The following GPC5 variants were observed in gnomAD, a reference collection of about 807,000 sequenced individuals.
GPC5 encodes glypican 5, also known as glypican-5.
A neutral mutation model predicts 53.9 loss-of-function variants in GPC5; 47 were observed. That is an observed-to-expected ratio of 0.87 (90% CI 0.69 to 1.11). GPC5 has a LOEUF of 1.11. Among genes scored for constraint, GPC5 ranks in the 50% most tolerant of loss-of-function variants. GPC5 has a pLI of 0.00. For missense variants in GPC5, 748 were observed against 713.1 expected (o/e 1.05, Z -0.56); for synonymous variants, 286 against 263.3 (o/e 1.09, Z -0.84).
intron 2 of GPC5, among the ~76,000 whole-genome samples, chr13:91,524,383 A>G (rs1431690180): frequency 6.6e-6 from 1 of 152,112 alleles, no homozygotes; most frequent in Non-Finnish European, 1.5e-5. Flanking sequence ...TGCAGTTACA[A>G]CATTAAGATA....
intron 7 of GPC5, among the ~76,000 whole-genome samples, chr13:92,438,445 A>C (rs1203929117): frequency 6.6e-6 from 1 of 151,184 alleles, no homozygotes; most frequent in Non-Finnish European, 1.5e-5. Context: ...CAGCTTAAGC[A>C]TGGGTGACAT....
At chr13:91,771,596 C>G (rs1340736054) in intron 5 of GPC5, among the ~76,000 whole-genome samples, 1 of 151,962 alleles carries the variant, frequency 6.6e-6, no homozygotes, top group Non-Finnish European at 1.5e-5. Flanking sequence ...AAGGAGATAG[C>G]CTTACAGCTA....
intron 2 of GPC5, among the ~76,000 whole-genome samples, chr13:91,464,363 G>C (rs1882108864): frequency 6.6e-6 from 1 of 152,106 alleles, no homozygotes; most frequent in Non-Finnish European, 1.5e-5. Flanking sequence ...TCCAATAAAT[G>C]CACGCTTGGA....
At chr13:92,791,473 C>G (rs1211303424) in intron 7 of GPC5, among the ~76,000 whole-genome samples, 1 of 150,992 alleles carries the variant, frequency 6.6e-6, no homozygotes, top group Non-Finnish European at 1.5e-5. Context: ...AAAGGAGGGA[C>G]AATAGTAGTC....
chr13:92,429,246 CA>C (rs942370516), intron 7 of GPC5, among the ~76,000 whole-genome samples: 1 of 151,828 alleles, frequency 6.6e-6, no homozygotes, highest in Non-Finnish European at 1.5e-5. Context: ...GTAATTGTGA[CA>C]TTTTATTCAT....
intron 5 of GPC5, among the ~76,000 whole-genome samples, chr13:91,883,992 G>GA (rs1482522070): frequency 1.3e-5 from 2 of 151,754 alleles, no homozygotes; most frequent in Middle Eastern, 3.5e-3. Context: ...ACAAACATAT[G>GA]AAAAAAATGC....
rs1029760426 is a variant in GPC5 at position 91,671,798 on chromosome 13, A to C, written c.326-21389A>C. On this transcript the variant is annotated intron_variant, in intron 2 of 7. Transcript: ENST00000377067. ...TCTGAAGCAAAAAAAAAAAAAAAAA[A>C]AAAAAAACGAAACTGGAGGCATCAC... 2.7e-5 allele frequency among the ~76,000 whole-genome samples: 4 copies of C among 149,388 alleles called. No individual in the cohort carries two copies. The South Asian group carries it at 8.4e-4, about 32-fold the overall frequency.
chr13:92,203,512 A>C, intron 7 of GPC5, among the ~76,000 whole-genome samples: 1 of 131,094 alleles, frequency 7.6e-6, no homozygotes. Flanking sequence ...GGGGAGGGAT[A>C]GCATTGGGAG....
chr13:92,784,121 T>C (rs539830749), intron 7 of GPC5, among the ~76,000 whole-genome samples: 2 of 152,290 alleles, frequency 1.3e-5, no homozygotes, highest in African/African-American at 4.8e-5. Context: ...ATTTTAACAA[T>C]TAAAGAATTA....
At chr13:92,128,767 A>AT (rs1287764316) in intron 6 of GPC5, among the ~76,000 whole-genome samples, 13 of 152,166 alleles carry the variant, frequency 8.5e-5, no homozygotes, top group East Asian at 5.8e-4. Context: ...GATCGAGACT[A>AT]TCCTGGCCAA....
chr13:92,273,666 C>CAAA (rs34290140), intron 7 of GPC5, among the ~76,000 whole-genome samples: 1 of 150,810 alleles, frequency 6.6e-6, no homozygotes. Flanking sequence ...TTAAAAATGG[C>CAAA]AAAAAAAATG....
At position 92,075,681 on chromosome 13, in the gene GPC5, G is replaced by A. The variant is rs560558913; in HGVS notation, c.1402-69149G>A. ...TATCATGACAAAAGATTTCTCTATTGGAACATCTTTTATTTAACTGGCTTA... is the reference window on the plus strand; with the variant it reads ...TATCATGACAAAAGATTTCTCTATTAGAACATCTTTTATTTAACTGGCTTA... On this transcript the variant is annotated intron_variant, in intron 6 of 7. Transcript: ENST00000377067. Among the ~76,000 whole-genome samples, 123 of 152,038 alleles carry A rather than the reference G, an allele frequency of 8.1e-4. 1 individual carries two copies. In the Middle Eastern group the frequency reaches 0.031, roughly 38 times the overall value.
At chr13:91,914,282 C>G (rs2039637864) in intron 6 of GPC5, among the ~76,000 whole-genome samples, 1 of 152,094 alleles carries the variant, frequency 6.6e-6, no homozygotes, top group South Asian at 2.1e-4. Flanking sequence ...AGTAATATCA[C>G]AGCAATTTTC....
At chr13:92,624,878 C>T (rs1216021009) in intron 7 of GPC5, among the ~76,000 whole-genome samples, 11 of 152,178 alleles carry the variant, frequency 7.2e-5, no homozygotes, top group Non-Finnish European at 1.5e-4. Flanking sequence ...ACGAGGTAGT[C>T]TAAAGGGCAG....
chr13:91,513,261 T>G (rs1885327304), intron 2 of GPC5, among the ~76,000 whole-genome samples: 1 of 152,210 alleles, frequency 6.6e-6, no homozygotes, highest in Non-Finnish European at 1.5e-5. Flanking sequence ...TTGGTGAGAT[T>G]TTTATGATTG....
chr13:91,654,899 A>G (rs2034809401), intron 2 of GPC5, among the ~76,000 whole-genome samples: 1 of 152,154 alleles, frequency 6.6e-6, no homozygotes, highest in African/African-American at 2.4e-5. Flanking sequence ...TTATCAAAGC[A>G]TTGCTTATTG....
intron 6 of GPC5, among the ~76,000 whole-genome samples, chr13:92,002,127 GAAC>G (rs2040561145): frequency 8.0e-6 from 1 of 124,682 alleles, no homozygotes; most frequent in East Asian, 2.1e-4. Context: ...GAATACTTTG[GAAC>G]AACTGACAAA....
chr13:91,734,706 T>C (rs995260116), intron 4 of GPC5, among the ~76,000 whole-genome samples: 1 of 85,386 alleles, frequency 1.2e-5, no homozygotes, highest in Non-Finnish European at 2.9e-5. Context: ...GGTGAAAGAC[T>C]GAATTCCTTT....
At chr13:92,497,507 C>T (rs946211328) in intron 7 of GPC5, among the ~76,000 whole-genome samples, 3 of 152,086 alleles carry the variant, frequency 2.0e-5, no homozygotes, top group Non-Finnish European at 4.4e-5. Flanking sequence ...GTTACTGCAG[C>T]CTTGTAGTAT....
Sources: allele counts gnomAD v4.1 joint callset (sites outside exome capture counted in the v4.1 genomes callset), GRCh38; gene constraint gnomAD v4.1.1; transcripts MANE v1.5; gene names NCBI Gene and HGNC (gene_info 2026-07-23, HGNC 2026-07-21).